Variants in VPS54 observed in about 807,000 individuals in gnomAD.
The protein encoded by VPS54 is VPS54 subunit of GARP complex.
A neutral mutation model predicts 121.5 loss-of-function variants in VPS54; 45 were observed. The observed-to-expected ratio is 0.37, with a 90% CI of 0.29 to 0.47. The LOEUF is 0.47. VPS54 is among the 20% of genes least tolerant of loss of function. The probability of loss-of-function intolerance (pLI) is 0.99; values close to 1 mark genes in which losing one functional copy is unlikely to be tolerated. For missense variants in VPS54, 1,090 were observed against 1,131.4 expected (o/e 0.96, Z 0.52); for synonymous variants, 371 against 385.8 (o/e 0.96, Z 0.45).
intron 11 of VPS54, among the ~76,000 whole-genome samples, chr2:63,935,379 T>C (rs865864923): frequency 6.6e-6 from 1 of 152,300 alleles, no homozygotes; most frequent in African/African-American, 2.4e-5. Flanking sequence ...TTTTTCTTTC[T>C]TCATTGCTCA....
At chr2:63,915,418 G>A (rs966546317) in intron 16 of VPS54, among the ~76,000 whole-genome samples, 12 of 152,134 alleles carry the variant, frequency 7.9e-5, no homozygotes, top group Non-Finnish European at 1.5e-5. Context: ...ATAACACCTT[G>A]TCAGACCATA....
intron 3 of VPS54, among the ~76,000 whole-genome samples, chr2:63,977,325 G>A (rs1190842922): frequency 6.6e-6 from 1 of 152,118 alleles, no homozygotes; most frequent in African/African-American, 2.4e-5. Context: ...TAAGGTAGAA[G>A]CTTGGATTAT....
chr2:63,904,438 C>CAAAAAAAA (rs58651830), intron 20 of VPS54, among the ~76,000 whole-genome samples: 1 of 19,934 alleles, frequency 5.0e-5, no homozygotes, highest in Non-Finnish European at 8.1e-5. Context: ...GACTTGGTCT[C>CAAAAAAAA]AAAAAAAAAA....
chr2:63,912,598 T>G lies in VPS54; in HGVS notation c.2486A>C (p.Glu829Ala). Residue 829 changes from glutamate (E) to alanine (A), a missense_variant, in exon 19 of 23, where the codon GAA (glutamate) becomes GCA (alanine). Physicochemically the swap from Glu to Ala is moderately radical, Grantham distance 107. Coordinates refer to ENST00000272322, the MANE Select transcript of VPS54 (RefSeq NM_016516.3). ...ATATTGCTTAGGTGGTAGTCGAGCT[T>G]CAAAATGAGCCCGGATCACAGGAAT... is the stretch of plus-strand genomic sequence containing the variant. Reference protein sequence around the residue: ...HYIPVIRAHFEARLPPKQYSM... With the variant: ...HYIPVIRAHFAARLPPKQYSM... 1.3e-6 allele frequency: 2 copies of G among 1,596,080 alleles called. No individual in the cohort carries two copies. The highest frequency in any genetic ancestry group is 1.7e-6 in the Non-Finnish European group (2 of 1,175,890).
At chr2:63,947,752 T>C (rs1675048545) in intron 8 of VPS54, among the ~76,000 whole-genome samples, 1 of 152,142 alleles carries the variant, frequency 6.6e-6, no homozygotes, top group Admixed American at 6.6e-5. Flanking sequence ...GGGTATTTTT[T>C]GTTCTAGTTT....
At chr2:63,947,802 A>G (rs1371807497) in intron 8 of VPS54, among the ~76,000 whole-genome samples, 2 of 152,052 alleles carry the variant, frequency 1.3e-5, no homozygotes, top group East Asian at 3.9e-4. Context: ...CTGATGACCA[A>G]TAAATACTCC....
At chr2:63,995,114 GTATGGGAAGGGGAAAC>G (rs1013267483) in intron 1 of VPS54, among the ~76,000 whole-genome samples, 32 of 152,342 alleles carry the variant, frequency 2.1e-4, no homozygotes, top group African/African-American at 7.7e-4. Context: ...TGGACTGCAA[GTATGGGAAGGGGAAAC>G]TATTTTGTCT....
chr2:63,913,827 T>A, intron 17 of VPS54: 16 of 1,058,228 alleles, frequency 1.5e-5, no homozygotes, highest in Non-Finnish European at 1.8e-5. Context: ...TCTCTAACCT[T>A]AGTGAGATGA....
intron 1 of VPS54, among the ~76,000 whole-genome samples, chr2:63,997,111 C>T (rs1185969272): frequency 2.0e-5 from 3 of 152,152 alleles, no homozygotes; most frequent in Non-Finnish European, 4.4e-5. Flanking sequence ...AGAAGAGAAC[C>T]TATGTTGAAA....
intron 1 of VPS54, among the ~76,000 whole-genome samples, chr2:63,992,522 A>T (rs1036476183): frequency 6.6e-6 from 1 of 152,244 alleles, no homozygotes; most frequent in Non-Finnish European, 1.5e-5. Context: ...TCCTGATCCT[A>T]TTCCTTTACA....
intron 12 of VPS54, among the ~76,000 whole-genome samples, chr2:63,931,637 A>G (rs1674209835): frequency 6.6e-6 from 1 of 152,242 alleles, no homozygotes; most frequent in African/African-American, 2.4e-5. Context: ...ATGGCAACAA[A>G]AGGCAAAATT....
intron 7 of VPS54, among the ~76,000 whole-genome samples, chr2:63,959,409 C>A (rs986968116): frequency 6.6e-6 from 1 of 152,102 alleles, no homozygotes; most frequent in African/African-American, 2.4e-5. Context: ...GTCAGAGACT[C>A]AAGTTCTGAT....
intron 1 of VPS54, among the ~76,000 whole-genome samples, chr2:63,995,431 A>G (rs1406020675): frequency 6.6e-6 from 1 of 152,236 alleles, no homozygotes; most frequent in Non-Finnish European, 1.5e-5. Context: ...CCCTCAATAC[A>G]TTTAATTAAT....
intron 20 of VPS54, among the ~76,000 whole-genome samples, chr2:63,902,602 A>G (rs1468200023): frequency 6.6e-6 from 1 of 152,218 alleles, no homozygotes; most frequent in Non-Finnish European, 1.5e-5. Flanking sequence ...TCCCACTGTC[A>G]AGAAATAAAG....
At chr2:63,929,875 C>G (rs916676270) in intron 12 of VPS54, among the ~76,000 whole-genome samples, 5 of 152,102 alleles carry the variant, frequency 3.3e-5, no homozygotes, top group Non-Finnish European at 7.4e-5. Flanking sequence ...TCAGAGAATA[C>G]TACAAACACC....
intron 7 of VPS54, among the ~76,000 whole-genome samples, chr2:63,960,192 C>T (rs559925467): frequency 7.2e-5 from 11 of 151,952 alleles, no homozygotes; most frequent in Non-Finnish European, 1.2e-4. Context: ...GAGCTAAGAG[C>T]GCACCACTGC....
Position 63,912,678 on chromosome 2 carries a change from T to C in VPS54, c.2423-17A>G, listed in dbSNP as rs746547623. 28 of 1,558,594 alleles carry C rather than the reference T, an allele frequency of 1.8e-5. No homozygotes were observed. The highest frequency in any genetic ancestry group is 2.4e-5 in the Non-Finnish European group (28 of 1,165,116). ...AAGAAAGAGCTGAAGATCCAGGGAG[T>C]AGATATATAATGGAGAAATAAAAAA... On this transcript the variant is annotated splice_polypyrimidine_tract_variant and intron_variant, in intron 18 of 22. Transcript: ENST00000272322.
At chr2:63,926,069 T>C (rs1026543599) in intron 12 of VPS54, among the ~76,000 whole-genome samples, 2 of 152,238 alleles carry the variant, frequency 1.3e-5, no homozygotes, top group African/African-American at 4.8e-5. Context: ...TACATGGCTG[T>C]TGTTAAAATG....
Position 63,893,428 on chromosome 2 carries a change from C to T in VPS54, c.*2G>A. ...TGAACTACCCAGTTTTCCAGGATGA[C>T]ATCACCTCTTCTGCTCCCAAATTTC... On this transcript the variant is annotated 3_prime_UTR_variant, in exon 23 of 23. Coordinates refer to ENST00000272322, the MANE Select transcript of VPS54 (RefSeq NM_016516.3). 6.2e-7 allele frequency: 1 copy of T among 1,612,746 alleles called. No individual in the cohort carries two copies. The highest frequency in any genetic ancestry group is 8.5e-7 in the Non-Finnish European group (1 of 1,178,762).
Sources: gnomAD v4.1 joint callset for allele counts (sites outside exome capture counted in the v4.1 genomes callset) on GRCh38, gnomAD v4.1.1 for gene constraint, MANE v1.5 for transcripts, NCBI Gene and HGNC (gene_info 2026-07-23, HGNC 2026-07-21) for gene names.